Variants in TMEM163 observed in about 807,000 individuals in gnomAD.
TMEM163 encodes transmembrane protein 163.
TMEM163 carries 17 observed loss-of-function variants against 29.3 expected under a neutral mutation model. That is an observed-to-expected ratio of 0.58 (90% CI 0.40 to 0.87). The LOEUF is 0.87. Among genes scored for constraint, TMEM163 ranks in the 40% least tolerant of loss-of-function variants. The pLI is 0.00. For missense variants in TMEM163, 303 were observed against 381.5 expected (o/e 0.79, Z 1.71); for synonymous variants, 157 against 160.6 (o/e 0.98, Z 0.17).
At chr2:134,718,252 G>A (rs987043247) in intron 1 of TMEM163, among the ~76,000 whole-genome samples, 4 of 152,194 alleles carry the variant, frequency 2.6e-5, no homozygotes, top group Admixed American at 6.5e-5. Context: ...CGGGCAGCCG[G>A]GCGGCCGCCG....
intron 2 of TMEM163, among the ~76,000 whole-genome samples, chr2:134,707,756 T>C (rs1684846836): frequency 6.6e-6 from 1 of 151,796 alleles, no homozygotes; most frequent in Non-Finnish European, 1.5e-5. Context: ...TGAGGCCTCT[T>C]TGGGGAGGGG....
At position 134,667,098 on chromosome 2, in the gene TMEM163, C is replaced by A. The variant is rs78985176; in HGVS notation, c.322+46102G>T. On this transcript the variant is annotated intron_variant, in intron 2 of 7. Transcript: ENST00000281924. ...CCTAGTGCTTGAACATCCTTATTCA[C>A]CAGATTTGACTCAAGTTTGATTCCG... Among the ~76,000 whole-genome samples the A allele has an allele frequency of 8.7e-3, 1,329 of 152,296 alleles. 7 individuals carry two copies. The highest frequency in any genetic ancestry group is 0.014 in the Non-Finnish European group (956 of 68,022).
At chr2:134,481,375 C>T (rs1026027455) in intron 5 of TMEM163, among the ~76,000 whole-genome samples, 1 of 101,120 alleles carries the variant, frequency 9.9e-6, no homozygotes, top group Admixed American at 9.8e-5. Flanking sequence ...GTAATTGAAT[C>T]ATGGGGGGGG....
intron 2 of TMEM163, 46 bp downstream of exon 2, chr2:134,713,154 C>T (rs1456222835): frequency 1.3e-5 from 20 of 1,587,758 alleles, no homozygotes; most frequent in South Asian, 3.5e-5. Context: ...GAGAATAAAA[C>T]GGGCAACAGC....
At chr2:134,577,982 C>T (rs1239241478) in intron 2 of TMEM163, among the ~76,000 whole-genome samples, 1 of 152,114 alleles carries the variant, frequency 6.6e-6, no homozygotes, top group South Asian at 2.1e-4. Context: ...ACATCAGGCT[C>T]TTGGGCATCC....
chr2:134,513,869 G>A (rs1025025427), intron 4 of TMEM163, among the ~76,000 whole-genome samples: 8 of 152,164 alleles, frequency 5.3e-5, no homozygotes, highest in African/African-American at 9.7e-5. Context: ...AAGATGATTC[G>A]TCCCTGAGCA....
intron 5 of TMEM163, among the ~76,000 whole-genome samples, chr2:134,487,249 AAGTC>A (rs1679336934): frequency 6.6e-6 from 1 of 152,256 alleles, no homozygotes; most frequent in African/African-American, 2.4e-5. Flanking sequence ...AATTTTTAAA[AAGTC>A]AGCAAGGTTG....
rs567822239 is a variant in TMEM163, at chr2:134,585,165, G to A, written c.323-33074C>T. ...AGGGACAGAAAGAGATGGCAACCTC[G>A]TCCTCTTTTTTCTTTTTTAGAGACA... On this transcript the variant is annotated intron_variant, in intron 2 of 7. Transcript: ENST00000281924. Among the ~76,000 whole-genome samples, 72 of 152,200 alleles carry A rather than the reference G, an allele frequency of 4.7e-4. 1 individual carries two copies. Among genetic ancestry groups the A allele is most frequent in the African/African-American group, 1.2e-3 (51 of 41,514 alleles).
rs1679734160 is a variant in TMEM163 at position 134,503,046 on chromosome 2, C to CT, written c.459-50dup. ...ATCTTAACTGGGAGAACTCACACTG[C>CT]TGAAGAGTCCACACAATTGACAGTG... On this transcript the variant is annotated intron_variant, in intron 4 of 7. Coordinates refer to ENST00000281924, the MANE Select transcript of TMEM163 (RefSeq NM_030923.5). The CT allele has an allele frequency of 4.7e-6, 7 of 1,503,106 alleles. No homozygotes were observed. The East Asian group carries it at 1.6e-4, about 35-fold the overall frequency. 93.1% of individuals were successfully genotyped at this position (1,503,106 alleles called of 1,614,324 possible). A position where few individuals can be genotyped will look rare whatever the true frequency, so the allele number is the denominator to read the frequency against.
intron 2 of TMEM163, among the ~76,000 whole-genome samples, chr2:134,558,865 G>GT (rs1229033135): frequency 6.6e-6 from 1 of 152,172 alleles, no homozygotes; most frequent in Non-Finnish European, 1.5e-5. Flanking sequence ...TTATGTGACT[G>GT]TAAGTTTCGT....
chr2:134,623,539 G>A (rs1462650563), intron 2 of TMEM163, among the ~76,000 whole-genome samples: 1 of 152,070 alleles, frequency 6.6e-6, no homozygotes, highest in Non-Finnish European at 1.5e-5. Flanking sequence ...AGGCTGAGGC[G>A]GGCAGATCAC....
chr2:134,691,356 C>T (rs1362971945), intron 2 of TMEM163, among the ~76,000 whole-genome samples: 2 of 152,156 alleles, frequency 1.3e-5, no homozygotes, highest in East Asian at 3.9e-4. Context: ...GCGTAGGCAC[C>T]AAACATCAAG....
At chr2:134,521,630 C>G (rs1402748538) in intron 4 of TMEM163, among the ~76,000 whole-genome samples, 2 of 152,198 alleles carry the variant, frequency 1.3e-5, no homozygotes, top group African/African-American at 4.8e-5. Flanking sequence ...GGCCAACCCA[C>G]AAAGCCAACA....
intron 2 of TMEM163, among the ~76,000 whole-genome samples, chr2:134,620,458 T>C (rs1425258931): frequency 6.6e-6 from 1 of 152,160 alleles, no homozygotes; most frequent in African/African-American, 2.4e-5. Flanking sequence ...GGTTTCTCCA[T>C]GTTGATCAGG....
At chr2:134,701,748 T>C (rs925441154) in intron 2 of TMEM163, among the ~76,000 whole-genome samples, 2 of 151,596 alleles carry the variant, frequency 1.3e-5, no homozygotes, top group Admixed American at 6.6e-5. Context: ...TAAAACCCCA[T>C]CTCTACTAAA....
In TMEM163 at chr2:134,718,820, G is replaced by C; in HGVS notation, c.116C>G (p.Pro39Arg). 1.8e-6 allele frequency: 2 copies of C among 1,134,628 alleles called. No individual in the cohort carries two copies. The highest frequency in any genetic ancestry group is 4.3e-5 in the South Asian group (1 of 23,504). 70.3% of individuals were successfully genotyped at this position (1,134,628 alleles called of 1,614,324 possible). Residue 39 changes from proline (P) to arginine (R), a missense_variant, in exon 1 of 8, where the codon CCG (proline) becomes CGG (arginine). Pro to Arg is a moderately radical substitution (Grantham distance 103). This residue lies in a region of TMEM163 where 100 missense variants were observed against 87.2 expected (regional missense o/e 1.15). Transcript: ENST00000281924. ...AAPGPAPLSS[P>R]VREPPQLEEE... ...CTCCAGCTGGGGCGGCTCGCGCACC[G>C]GGGAGCTCAGCGGGGCCGGGCCGGG... is the stretch of plus-strand genomic sequence containing the variant.
chr2:134,537,501 C>A (rs1181781961), intron 4 of TMEM163, among the ~76,000 whole-genome samples: 1 of 152,174 alleles, frequency 6.6e-6, no homozygotes, highest in Non-Finnish European at 1.5e-5. Flanking sequence ...AACCTCATAA[C>A]CTCATCTAAC....
chr2:134,570,368 C>T (rs1470936271), intron 2 of TMEM163, among the ~76,000 whole-genome samples: 1 of 152,022 alleles, frequency 6.6e-6, no homozygotes, highest in Non-Finnish European at 1.5e-5. Flanking sequence ...GAAATGTATT[C>T]CATTAGGTGA....
At chr2:134,531,380 G>C (rs1425409867) in intron 4 of TMEM163, among the ~76,000 whole-genome samples, 1 of 152,184 alleles carries the variant, frequency 6.6e-6, no homozygotes, top group Non-Finnish European at 1.5e-5. Flanking sequence ...ACAGCAGCTG[G>C]GTGTCCTCCA....
Sources: gnomAD v4.1 joint callset for allele counts (sites outside exome capture counted in the v4.1 genomes callset) on GRCh38, gnomAD v4.1.1 for gene constraint, gnomAD v4.1.1 regional missense constraint, MANE v1.5 for transcripts, NCBI Gene and HGNC (gene_info 2026-07-23, HGNC 2026-07-21) for gene names.